Variants in AHCYL2 observed in about 807,000 individuals in gnomAD.
AHCYL2 encodes S-adenosylhomocysteine hydrolase-like protein 2.
In AHCYL2, 28 loss-of-function variants were observed where a neutral mutation model predicts 81.4. The observed-to-expected ratio is 0.34, with a 90% confidence interval of 0.25 to 0.47. The LOEUF (loss-of-function observed/expected upper bound fraction) is 0.47, where lower values mean the gene tolerates loss of function less well. Among genes scored for constraint, AHCYL2 ranks in the 20% least tolerant of loss-of-function variants. The pLI is 1.00. For synonymous variants in AHCYL2, 272 were observed against 290.2 expected (o/e 0.94, Z 0.64); for missense variants, 551 against 785.1 (o/e 0.70, Z 3.56).
chr7:129,358,763 A>AT (rs935624197), intron 1 of AHCYL2, among the ~76,000 whole-genome samples: 5 of 151,682 alleles, frequency 3.3e-5, no homozygotes, highest in Admixed American at 6.6e-5. Context: ...ATTTACCACA[A>AT]TTTTTTTTTA....
At chr7:129,374,105 G>T (rs1360021297) in intron 1 of AHCYL2, among the ~76,000 whole-genome samples, 1 of 152,080 alleles carries the variant, frequency 6.6e-6, no homozygotes, top group Non-Finnish European at 1.5e-5. Context: ...ATACGAAAAT[G>T]AATTTAAAGA....
chr7:129,338,320 T>C (rs1793035266), intron 1 of AHCYL2, among the ~76,000 whole-genome samples: 1 of 152,068 alleles, frequency 6.6e-6, no homozygotes, highest in Non-Finnish European at 1.5e-5. Context: ...GGCTAATTTG[T>C]AAATTTTTTT....
At chr7:129,373,100 A>AG (rs1794491917) in intron 1 of AHCYL2, among the ~76,000 whole-genome samples, 1 of 152,108 alleles carries the variant, frequency 6.6e-6, no homozygotes, top group Non-Finnish European at 1.5e-5. Flanking sequence ...AGCTGAAAAA[A>AG]ATTTTTTTTT....
intron 1 of AHCYL2, among the ~76,000 whole-genome samples, chr7:129,276,064 A>C (rs1796189091): frequency 6.6e-6 from 1 of 152,198 alleles, no homozygotes; most frequent in African/African-American, 2.4e-5. Flanking sequence ...ACTGAAATTG[A>C]GCAAAAAGAT....
At position 129,280,807 on chromosome 7, in the gene AHCYL2, A is replaced by G. The variant is rs565135441; in HGVS notation, c.363+55368A>G. Among the ~76,000 whole-genome samples, 77 of 150,946 alleles carry G rather than the reference A, an allele frequency of 5.1e-4. 1 individual carries two copies. The highest frequency in any genetic ancestry group is 3.9e-4 in the East Asian group (2 of 5,148). On this transcript the variant is annotated intron_variant, in intron 1 of 16. Transcript: ENST00000325006. ...GGATTTTGTCTAATGCATTTTCTGTATCTATTGAAATGATCACATGATCTT... is the reference window on the plus strand; with the variant it reads ...GGATTTTGTCTAATGCATTTTCTGTGTCTATTGAAATGATCACATGATCTT...
intron 1 of AHCYL2, among the ~76,000 whole-genome samples, chr7:129,376,848 T>G (rs1193816914): frequency 6.6e-6 from 1 of 152,222 alleles, no homozygotes; most frequent in East Asian, 1.9e-4. Context: ...TAAAAAAGAA[T>G]AAAGACATGT....
intron 1 of AHCYL2, among the ~76,000 whole-genome samples, chr7:129,258,224 T>C (rs1441670660): frequency 7.0e-6 from 1 of 142,926 alleles, no homozygotes. Context: ...AGATTCACAG[T>C]TCTCAATTTT....
rs34696153 is a variant in AHCYL2 at position 129,248,996 on chromosome 7, C to CTT, written c.363+23574_363+23575dup. ...TGTGGTAAAGTTTACTAACAATAAACTTTTTTTTTTTTTTTTTTGGAGACA... is the reference window on the plus strand; with the variant it reads ...TGTGGTAAAGTTTACTAACAATAAACTTTTTTTTTTTTTTTTTTTTGGAGACA... On this transcript the variant is annotated intron_variant, in intron 1 of 16. Coordinates refer to ENST00000325006, the MANE Select transcript of AHCYL2 (RefSeq NM_015328.4). Among the ~76,000 whole-genome samples, 592 of 126,288 alleles carry CTT rather than the reference C, an allele frequency of 4.7e-3. 9 individuals are homozygous for CTT. Among genetic ancestry groups the CTT allele is most frequent in the South Asian group, 9.2e-3 (37 of 4,020 alleles). The allele number at this position is 126,288 out of a possible 152,430, so 82.8% of individuals were successfully genotyped here. A position where few individuals can be genotyped will look rare whatever the true frequency, so the allele number is the denominator to read the frequency against.
intron 1 of AHCYL2, among the ~76,000 whole-genome samples, chr7:129,366,615 A>G (rs866462235): frequency 6.6e-6 from 1 of 152,054 alleles, no homozygotes; most frequent in African/African-American, 2.4e-5. Context: ...CCTGTCTACT[A>G]AAAATACAAA....
intron 1 of AHCYL2, among the ~76,000 whole-genome samples, chr7:129,302,974 T>C (rs189078540): frequency 2.0e-5 from 3 of 152,230 alleles, no homozygotes; most frequent in East Asian, 1.9e-4. Context: ...AGTGAAGCCA[T>C]TGGGTCCCAA....
Position 129,346,034 on chromosome 7 carries a change from A to G in AHCYL2, c.364-33604A>G, listed in dbSNP as rs376643913. On this transcript the variant is annotated intron_variant, in intron 1 of 16. Coordinates refer to ENST00000325006, the MANE Select transcript of AHCYL2 (RefSeq NM_015328.4). Reference sequence around the variant, plus strand: ...AGATTTAGCAGTTATCAGCATATAGATGATAACTGAAACATGGTAACAGAA... The same window carrying G: ...AGATTTAGCAGTTATCAGCATATAGGTGATAACTGAAACATGGTAACAGAA... Among the ~76,000 whole-genome samples the G allele has an allele frequency of 5.4e-4, 83 of 152,360 alleles. No homozygotes were observed. In the South Asian group the frequency reaches 0.016, roughly 30 times the overall value.
At chr7:129,364,993 A>G (rs1438200805) in intron 1 of AHCYL2, among the ~76,000 whole-genome samples, 2 of 152,208 alleles carry the variant, frequency 1.3e-5, no homozygotes, top group East Asian at 3.8e-4. Flanking sequence ...CCCCCAAAGT[A>G]TAATTAAGAA....
chr7:129,352,899 T>G (rs1339178267), intron 1 of AHCYL2, among the ~76,000 whole-genome samples: 1 of 151,832 alleles, frequency 6.6e-6, no homozygotes, highest in Non-Finnish European at 1.5e-5. Context: ...TTCCTTAGCT[T>G]ATAAGGCCTT....
Position 129,368,567 on chromosome 7 carries a change from GT to G in AHCYL2, c.364-11067del, listed in dbSNP as rs1267012363. The stretch of plus-strand genomic sequence containing the variant: ...TGAGTGGATGGTGAGTTCACTGGTC[GT>G]TTTGTTTCTCCTTCTGTTTCTTGAT... On this transcript the variant is annotated intron_variant, in intron 1 of 16. Coordinates refer to ENST00000325006, the MANE Select transcript of AHCYL2 (RefSeq NM_015328.4). This position sits in a 1 kb window ranked among gnomAD's most constrained non-coding sequence, Gnocchi z 4.4. 6.2e-7 allele frequency: 1 copy of G among 1,613,762 alleles called. No homozygotes were observed. The highest frequency in any genetic ancestry group is 1.3e-5 in the African/African-American group (1 of 74,924).
At chr7:129,420,728 T>C (rs575659190) in intron 12 of AHCYL2, among the ~76,000 whole-genome samples, 1 of 152,194 alleles carries the variant, frequency 6.6e-6, no homozygotes, top group South Asian at 2.1e-4. Flanking sequence ...TCAAGGGATC[T>C]TCCCACCTTG....
At chr7:129,278,825 ACT>A (rs912164134) in intron 1 of AHCYL2, among the ~76,000 whole-genome samples, 3 of 139,768 alleles carry the variant, frequency 2.1e-5, no homozygotes, top group African/African-American at 8.2e-5. Context: ...TGTTGGTAAG[ACT>A]CTTCTCCACT....
chr7:129,377,721 A>AT (rs1373683594), intron 1 of AHCYL2: 1 of 410,072 alleles, frequency 2.4e-6, no homozygotes, highest in Non-Finnish European at 4.9e-6. Flanking sequence ...AGAAAACAAA[A>AT]AAGTTATTAG....
At chr7:129,355,252 T>C (rs1793698031) in intron 1 of AHCYL2, among the ~76,000 whole-genome samples, 1 of 151,646 alleles carries the variant, frequency 6.6e-6, no homozygotes, top group Non-Finnish European at 1.5e-5. Flanking sequence ...CTGTGTAAAA[T>C]TGTCCCCAGG....
At chr7:129,362,597 G>GTTTTTTTTT (rs769346623) in intron 1 of AHCYL2, among the ~76,000 whole-genome samples, 135 of 63,650 alleles carry the variant, frequency 2.1e-3, no homozygotes, top group Middle Eastern at 0.025. Flanking sequence ...TGGTTTTCTT[G>GTTTTTTTTT]TTTTTTTTTT....
Sources: gnomAD v4.1 joint callset for allele counts (sites outside exome capture counted in the v4.1 genomes callset) on GRCh38, gnomAD v4.1.1 for gene constraint, Gnocchi (gnomAD v3.1) non-coding constraint, MANE v1.5 for transcripts, NCBI Gene and HGNC (gene_info 2026-07-23, HGNC 2026-07-21) for gene names.